Variants in SASH1 observed in about 807,000 individuals in gnomAD.
The protein encoded by SASH1 is SAM and SH3 domain-containing protein 1.
A neutral mutation model predicts 125.2 loss-of-function variants in SASH1; 44 were observed. That is an observed-to-expected ratio of 0.35 (90% CI 0.28 to 0.45). SASH1 has a LOEUF of 0.45. SASH1 is among the 20% of genes least tolerant of loss of function. SASH1 has a pLI of 1.00. For synonymous variants in SASH1, 639 were observed against 649.1 expected, an observed-to-expected ratio of 0.98 and a Z score of 0.24; for missense variants, 1,426 against 1,614.5, an observed-to-expected ratio of 0.88 and a Z score of 2.00.
At chr6:148,261,716 A>G in the SASH1 span, among the ~76,000 whole-genome samples, 7 of 152,148 alleles carry the variant, frequency 4.6e-5, no homozygotes. Context: ...CTGCCACAAC[A>G]GCCACGTCCC....
intron 8 of SASH1, among the ~76,000 whole-genome samples, chr6:148,491,323 G>A (rs1035452921): frequency 6.6e-5 from 10 of 152,196 alleles, no homozygotes; most frequent in Non-Finnish European, 1.2e-4. Context: ...AGGCTGGAGT[G>A]CAGCGGCATG....
chr6:148,538,734 T>C (rs1312072454), intron 16 of SASH1, among the ~76,000 whole-genome samples: 2 of 152,226 alleles, frequency 1.3e-5, no homozygotes, highest in Non-Finnish European at 2.9e-5. Context: ...TTTATTTTGA[T>C]GACCTGAGAA....
At chr6:148,272,553 ACTG>A in intron 1 of SASH1, among the ~76,000 whole-genome samples, 1 of 152,334 alleles carries the variant, frequency 6.6e-6, no homozygotes, top group African/African-American at 2.4e-5. Context: ...CTAGGCAGTG[ACTG>A]CTTCGGAATT....
chr6:148,424,243 T>G (rs907739565), intron 2 of SASH1, among the ~76,000 whole-genome samples: 12 of 150,374 alleles, frequency 8.0e-5, no homozygotes, highest in East Asian at 2.0e-4. Flanking sequence ...TTTTTTTTTT[T>G]TGGGGGGGGG....
rs1778936315 is a variant in SASH1 at position 148,487,647 on chromosome 6, G to A, written c.661G>A (p.Ala221Thr). The change falls in exon 8 of 20, where the codon GCT becomes ACT. Residue 221 changes from alanine (A) to threonine (T), a missense_variant. This residue lies in a region of SASH1 where 567 missense variants were observed against 575.6 expected (regional missense o/e 0.99). Transcript: ENST00000367467. ...KEYEAQHRQS[A>T]ALDPADWPDG... The stretch of plus-strand genomic sequence containing the variant: ...ATACGAGGCCCAGCACCGGCAGTCG[G>A]CTGCCCTGGACCCTGCTGACTGGCC... 6.2e-7 allele frequency: 1 copy of A among 1,613,094 alleles called. No individual in the cohort carries two copies. The highest frequency in any genetic ancestry group is 1.3e-5 in the African/African-American group (1 of 74,852).
At chr6:148,270,050 T>TAA (rs1452196125), upstream of SASH1, among the ~76,000 whole-genome samples, 1 of 152,248 alleles carries the variant, frequency 6.6e-6, no homozygotes, top group Admixed American at 6.5e-5. Context: ...TCTGTGCTCC[T>TAA]AAGAGCCAAA....
intron 4 of SASH1, among the ~76,000 whole-genome samples, chr6:148,451,536 G>T (rs1181101632): frequency 6.6e-6 from 1 of 152,012 alleles, no homozygotes. Context: ...GGTGAGATGC[G>T]CCTGTAGTCC....
At chr6:148,446,063 T>TTGCTATCC (rs1776755353) in intron 4 of SASH1, among the ~76,000 whole-genome samples, 1 of 150,052 alleles carries the variant, frequency 6.7e-6, no homozygotes, top group Non-Finnish European at 1.5e-5. Context: ...ACGGAGCACA[T>TTGCTATCC]TGCTATCCTG....
At chr6:148,341,702 A>C (rs575373971), upstream of SASH1, among the ~76,000 whole-genome samples, 23 of 151,880 alleles carry the variant, frequency 1.5e-4, no homozygotes, top group African/African-American at 3.1e-4. Flanking sequence ...AACAAAAAAA[A>C]CCCCACAATC....
chr6:148,448,291 T>C (rs1317010752), intron 4 of SASH1, among the ~76,000 whole-genome samples: 7 of 152,104 alleles, frequency 4.6e-5, no homozygotes, highest in Admixed American at 4.6e-4. Context: ...CATGCTTAGG[T>C]CTTCTTTACT....
chr6:148,387,584 CTTTCTTT>C, intron 1 of SASH1, among the ~76,000 whole-genome samples: 1 of 6,620 alleles, frequency 1.5e-4, no homozygotes, highest in African/African-American at 8.5e-4. Flanking sequence ...TTCTTTCTTT[CTTTCTTT>C]CTTTCTTTCT....
chr6:148,431,268 G>A (rs1488350455), intron 2 of SASH1, among the ~76,000 whole-genome samples: 2 of 151,662 alleles, frequency 1.3e-5, no homozygotes, highest in Non-Finnish European at 2.9e-5. Flanking sequence ...GCACGATCTC[G>A]GCTCACTGCA....
intron 1 of SASH1, among the ~76,000 whole-genome samples, chr6:148,332,595 T>A (rs1459653121): frequency 6.8e-6 from 1 of 147,114 alleles, no homozygotes; most frequent in African/African-American, 2.5e-5. Context: ...AACAGAGCTT[T>A]AAAAAAAAAA....
chr6:148,301,745 A>ATTTT (rs34707015), intron 1 of SASH1, among the ~76,000 whole-genome samples: 1 of 102,872 alleles, frequency 9.7e-6, no homozygotes, highest in African/African-American at 3.8e-5. Flanking sequence ...CATCTTGGTG[A>ATTTT]TTTTTTTTTT....
the SASH1 span, among the ~76,000 whole-genome samples, chr6:148,208,655 G>T: frequency 6.6e-6 from 1 of 152,166 alleles, no homozygotes; most frequent in Non-Finnish European, 1.5e-5. Context: ...CAGGGGATAG[G>T]TTTAGCTTTT....
the SASH1 span, among the ~76,000 whole-genome samples, chr6:148,223,126 G>A: frequency 6.7e-6 from 1 of 149,656 alleles, no homozygotes; most frequent in Non-Finnish European, 1.5e-5. Flanking sequence ...AATGTTCCTG[G>A]AGAGGCAGCG....
At chr6:148,411,086 G>A (rs968284636) in intron 2 of SASH1, among the ~76,000 whole-genome samples, 2 of 144,332 alleles carry the variant, frequency 1.4e-5, no homozygotes, top group Non-Finnish European at 3.0e-5. Context: ...TTGAACCCAG[G>A]AGGCAGAGGT....
At chr6:148,304,346 A>C (rs1261447642) in intron 1 of SASH1, among the ~76,000 whole-genome samples, 1 of 151,888 alleles carries the variant, frequency 6.6e-6, no homozygotes, top group African/African-American at 2.4e-5. Context: ...GAGGCAGGAG[A>C]ATGGTGTGAA....
At chr6:148,312,186 G>A (rs1780349775) in intron 1 of SASH1, among the ~76,000 whole-genome samples, 1 of 152,198 alleles carries the variant, frequency 6.6e-6, no homozygotes, top group Non-Finnish European at 1.5e-5. Flanking sequence ...TCTGTTGGGT[G>A]ATGGAACTGT....
Sources: gnomAD v4.1 joint callset for allele counts (sites outside exome capture counted in the v4.1 genomes callset) on GRCh38, gnomAD v4.1.1 for gene constraint, gnomAD v4.1.1 regional missense constraint, MANE v1.5 for transcripts, NCBI Gene and HGNC (gene_info 2026-07-23, HGNC 2026-07-21) for gene names.